ITGBL1: variants seen among roughly 807,000 people sequenced by gnomAD.
ITGBL1 encodes integrin subunit beta like 1, also known as integrin beta-like protein 1.
A neutral mutation model predicts 68.5 loss-of-function variants in ITGBL1; 51 were observed. The ratio of observed to expected loss-of-function variants is 0.74; its 90% confidence interval spans 0.59 to 0.94. The LOEUF is 0.94. Among genes scored for constraint, ITGBL1 ranks in the 40% least tolerant of loss-of-function variants. The probability of loss-of-function intolerance (pLI) is 0.00; values close to 1 mark genes in which losing one functional copy is unlikely to be tolerated. For synonymous variants in ITGBL1, 209 were observed against 227.3 expected (o/e 0.92, Z 0.72); for missense variants, 649 against 647.4 (o/e 1.00, Z -0.03).
At chr13:101,534,375 A>G (rs528070799) in intron 2 of ITGBL1, among the ~76,000 whole-genome samples, 2 of 152,308 alleles carry the variant, frequency 1.3e-5, no homozygotes, top group African/African-American at 4.8e-5. Flanking sequence ...AGAAATAGGT[A>G]GGAATGGTTT....
At chr13:101,530,583 G>A (rs2049456282) in intron 2 of ITGBL1, among the ~76,000 whole-genome samples, 1 of 152,092 alleles carries the variant, frequency 6.6e-6, no homozygotes, top group South Asian at 2.1e-4. Flanking sequence ...TTATGCTGAT[G>A]TGTACTCTCT....
chr13:101,523,243 T>C (rs932615117), intron 2 of ITGBL1, among the ~76,000 whole-genome samples: 5 of 152,188 alleles, frequency 3.3e-5, no homozygotes, highest in African/African-American at 4.8e-5. Flanking sequence ...AATCTGTGAA[T>C]GACCCCAAAT....
intron 2 of ITGBL1, among the ~76,000 whole-genome samples, chr13:101,502,941 TAC>T (rs2048967627): frequency 6.6e-6 from 1 of 152,186 alleles, no homozygotes; most frequent in Non-Finnish European, 1.5e-5. Context: ...CCTCTCCATC[TAC>T]AGATTGTGCC....
intron 7 of ITGBL1, among the ~76,000 whole-genome samples, chr13:101,684,203 T>C (rs2033703208): frequency 1.3e-5 from 2 of 152,056 alleles, no homozygotes. Context: ...TTGGATTCTC[T>C]ATTCTATTCT....
At chr13:101,586,120 G>A (rs2139296563) in intron 6 of ITGBL1, among the ~76,000 whole-genome samples, 1 of 152,262 alleles carries the variant, frequency 6.6e-6, no homozygotes, top group East Asian at 1.9e-4. Context: ...ACTCTAGGCT[G>A]AGCAGGTGAA....
chr13:101,609,415 A>G (rs140967636), intron 7 of ITGBL1, among the ~76,000 whole-genome samples: 6 of 152,202 alleles, frequency 3.9e-5, no homozygotes, highest in Non-Finnish European at 8.8e-5. Context: ...TGAAGGTCCT[A>G]GTTAAATCCA....
At chr13:101,689,258 G>C (rs1436264) in intron 7 of ITGBL1, among the ~76,000 whole-genome samples, 32,079 of 134,784 alleles carry the variant, frequency 0.24, 4,416 homozygotes, top group East Asian at 0.38. Context: ...AAGAAGCATA[G>C]TTAATTTTAT....
intron 7 of ITGBL1, among the ~76,000 whole-genome samples, chr13:101,626,704 C>T (rs1311352533): frequency 1.3e-5 from 2 of 151,992 alleles, no homozygotes; most frequent in Non-Finnish European, 2.9e-5. Context: ...AAGATAATTT[C>T]GTTGTGGAGA....
intron 2 of ITGBL1, among the ~76,000 whole-genome samples, chr13:101,511,085 G>A (rs756352483): frequency 6.6e-5 from 10 of 151,828 alleles, no homozygotes; most frequent in African/African-American, 7.3e-5. Context: ...GCTTGATGTC[G>A]ATGAGGATAT....
At chr13:101,464,160 A>G (rs1215651084) in intron 2 of ITGBL1, among the ~76,000 whole-genome samples, 2 of 152,120 alleles carry the variant, frequency 1.3e-5, no homozygotes, top group African/African-American at 2.4e-5. Context: ...CAGCCTCCCA[A>G]AGTGCTGGGA....
At chr13:101,631,408 T>G (rs2031973252) in intron 7 of ITGBL1, among the ~76,000 whole-genome samples, 1 of 152,134 alleles carries the variant, frequency 6.6e-6, no homozygotes, top group South Asian at 2.1e-4. Flanking sequence ...AAAAATGATT[T>G]GTAGATGTTA....
chr13:101,539,917 A>C (rs1263716407), intron 2 of ITGBL1, among the ~76,000 whole-genome samples: 1 of 151,870 alleles, frequency 6.6e-6, no homozygotes, highest in East Asian at 1.9e-4. Context: ...TTTTCTTGTA[A>C]ATTTGTTTGA....
At chr13:101,462,917 G>A (rs2048336635) in intron 2 of ITGBL1, among the ~76,000 whole-genome samples, 1 of 152,138 alleles carries the variant, frequency 6.6e-6, no homozygotes, top group African/African-American at 2.4e-5. Flanking sequence ...AACACTAAGT[G>A]TCTTTCTAAA....
chr13:101,629,784 C>A (rs1373600489), intron 7 of ITGBL1, among the ~76,000 whole-genome samples: 2 of 152,124 alleles, frequency 1.3e-5, no homozygotes, highest in Non-Finnish European at 2.9e-5. Context: ...TAGACAGCCC[C>A]ATTTTCCAAT....
chr13:101,469,400 T>C (rs2048426506), intron 2 of ITGBL1, among the ~76,000 whole-genome samples: 2 of 152,248 alleles, frequency 1.3e-5, no homozygotes, highest in South Asian at 4.1e-4. Context: ...CACCAGTTGT[T>C]GCCAGGCGCT....
chr13:101,539,737 T>C (rs866891237), intron 2 of ITGBL1, among the ~76,000 whole-genome samples: 6 of 151,230 alleles, frequency 4.0e-5, no homozygotes, highest in South Asian at 2.1e-4. Context: ...TTTTAATGAT[T>C]GCCATTCTAA....
intron 7 of ITGBL1, among the ~76,000 whole-genome samples, chr13:101,621,391 C>A (rs928197327): frequency 3.3e-5 from 5 of 152,014 alleles, no homozygotes; most frequent in Non-Finnish European, 5.9e-5. Context: ...TCACCTGAAC[C>A]CCTTGCAGAC....
At chr13:101,619,791 G>T (rs1407899474) in intron 7 of ITGBL1, among the ~76,000 whole-genome samples, 4 of 152,102 alleles carry the variant, frequency 2.6e-5, no homozygotes, top group African/African-American at 9.6e-5. Flanking sequence ...AAAGAATTAT[G>T]TATAAAAGAT....
At chr13:101,468,785 T>C (rs966357912) in intron 2 of ITGBL1, among the ~76,000 whole-genome samples, 1 of 152,210 alleles carries the variant, frequency 6.6e-6, no homozygotes, top group Non-Finnish European at 1.5e-5. Context: ...GAAAGTGAGA[T>C]AGCCGAAATC....
Sources: gnomAD v4.1 joint callset for allele counts (sites outside exome capture counted in the v4.1 genomes callset) on GRCh38, gnomAD v4.1.1 for gene constraint, MANE v1.5 for transcripts, NCBI Gene and HGNC (gene_info 2026-07-23, HGNC 2026-07-21) for gene names.